The following SND1 variants were observed in gnomAD, a reference collection of about 807,000 sequenced individuals.
The protein encoded by SND1 is staphylococcal nuclease and tudor domain containing 1, also known as staphylococcal nuclease domain-containing protein 1.
A neutral mutation model predicts 121.7 loss-of-function variants in SND1; 38 were observed. The observed-to-expected ratio is 0.31, with a 90% CI of 0.24 to 0.41. SND1 has a LOEUF of 0.41. SND1 is among the 10% of genes least tolerant of loss of function. SND1 has a pLI of 1.00. For synonymous variants in SND1, 401 were observed against 447.4 expected, an observed-to-expected ratio of 0.90 and a Z score of 1.31; for missense variants, 868 against 1,184.6, an observed-to-expected ratio of 0.73 and a Z score of 3.92.
In SND1 at chr7:127,737,554, G is replaced by A. The variant is rs111559581; in HGVS notation, c.1152+16154G>A. Among the ~76,000 whole-genome samples the A allele has an allele frequency of 6.6e-5, 10 of 152,262 alleles. 1 individual carries two copies. The highest frequency in any genetic ancestry group is 2.2e-4 in the African/African-American group (9 of 41,560). ...CACAACATTGCACTCCAGCCTGGGC[G>A]ATAAGAATGAGACTGTGTCTCAAAG... is the stretch of plus-strand genomic sequence containing the variant. On this transcript the variant is annotated intron_variant, in intron 10 of 23. Transcript: ENST00000354725.
At chr7:127,931,045 C>T (rs533016269) in intron 15 of SND1, among the ~76,000 whole-genome samples, 1 of 152,196 alleles carries the variant, frequency 6.6e-6, no homozygotes, top group East Asian at 1.9e-4. Context: ...TCGCCATGAA[C>T]CACAGTCATA....
At chr7:127,765,050 G>A (rs1475920364) in intron 10 of SND1, among the ~76,000 whole-genome samples, 2 of 152,180 alleles carry the variant, frequency 1.3e-5, no homozygotes, top group African/African-American at 4.8e-5. Context: ...CTCTTTGGGA[G>A]ACTAAAGAGG....
chr7:127,700,457 C>T (rs571966009), intron 4 of SND1, among the ~76,000 whole-genome samples: 4 of 152,190 alleles, frequency 2.6e-5, no homozygotes, highest in African/African-American at 9.6e-5. Context: ...TTGATGGCAC[C>T]GAGTGTCTGA....
Position 127,826,116 on chromosome 7 carries a change from A to G in SND1, c.1243-18208A>G, listed in dbSNP as rs145383007. ...TGAGGCAGGTGAATTACTTGAACCT[A>G]GGAGGTGGAGGTTGCAGTGAGCCAA... On this transcript the variant is annotated intron_variant, in intron 11 of 23. Transcript: ENST00000354725. 2.5e-3 allele frequency among the ~76,000 whole-genome samples: 376 copies of G among 152,248 alleles called. 2 individuals carry two copies. The highest frequency in any genetic ancestry group is 8.7e-3 in the African/African-American group (360 of 41,552).
intron 10 of SND1, among the ~76,000 whole-genome samples, chr7:127,727,036 C>T (rs1332778549): frequency 6.6e-6 from 1 of 152,202 alleles, no homozygotes; most frequent in Non-Finnish European, 1.5e-5. Flanking sequence ...CTGCTACCAG[C>T]CTCTATTCAT....
chr7:127,780,179 A>G (rs1433404218), intron 10 of SND1, among the ~76,000 whole-genome samples: 2 of 151,060 alleles, frequency 1.3e-5, no homozygotes, highest in Non-Finnish European at 3.0e-5. Context: ...TTACCTGAAA[A>G]CCCCCACCAA....
intron 17 of SND1, among the ~76,000 whole-genome samples, chr7:128,079,189 G>A (rs562649031): frequency 4.6e-5 from 7 of 152,368 alleles, no homozygotes; most frequent in East Asian, 3.9e-4. Flanking sequence ...GAGGCCCAGG[G>A]CAAAAGCCTC....
At chr7:127,938,363 C>A (rs1488321483) in intron 15 of SND1, among the ~76,000 whole-genome samples, 1 of 152,168 alleles carries the variant, frequency 6.6e-6, no homozygotes, top group Admixed American at 6.5e-5. Flanking sequence ...AGTAGGATAA[C>A]TTCTCCCTCG....
intron 10 of SND1, among the ~76,000 whole-genome samples, chr7:127,782,503 T>C (rs1797741500): frequency 4.6e-5 from 7 of 152,196 alleles, no homozygotes; most frequent in Admixed American, 4.6e-4. Context: ...CATTCTGTCA[T>C]AGGTTACAAT....
intron 14 of SND1, among the ~76,000 whole-genome samples, chr7:127,912,448 T>C (rs1417480524): frequency 6.6e-6 from 1 of 152,170 alleles, no homozygotes; most frequent in Non-Finnish European, 1.5e-5. Flanking sequence ...TCTTTGTAAA[T>C]AGAGATGTAG....
intron 15 of SND1, among the ~76,000 whole-genome samples, chr7:127,941,991 A>T (rs1801221733): frequency 6.6e-6 from 1 of 151,392 alleles, no homozygotes; most frequent in Admixed American, 6.6e-5. Flanking sequence ...TCATATCAAA[A>T]TAGGCATATT....
Position 128,085,192 on chromosome 7 carries a change from G to A in SND1, c.2234+345G>A, listed in dbSNP as rs1320784547. Among the ~76,000 whole-genome samples the A allele has an allele frequency of 1.3e-5, 2 of 152,130 alleles. No individual in the cohort carries two copies. ...TGATGTTACAGGGGGCTGAGGTAGA[G>A]GCTGGGCTACAGTAAGCCTAAACCA... On this transcript the variant is annotated intron_variant, in intron 19 of 23. Transcript: ENST00000354725. This position sits in a 1 kb window ranked among gnomAD's most constrained non-coding sequence, Gnocchi z 4.4.
intron 10 of SND1, among the ~76,000 whole-genome samples, chr7:127,805,547 TG>T (rs1295358042): frequency 6.6e-6 from 1 of 152,204 alleles, no homozygotes; most frequent in Non-Finnish European, 1.5e-5. Flanking sequence ...GAGATTTTCT[TG>T]GTCGTAGTCA....
intron 16 of SND1, among the ~76,000 whole-genome samples, chr7:128,024,797 TAA>T (rs1279291904): frequency 1.3e-5 from 2 of 152,132 alleles, no homozygotes; most frequent in Non-Finnish European, 2.9e-5. Context: ...GCATGGCACT[TAA>T]AGAGTTAGAG....
chr7:127,841,894 C>G (rs1284423942), intron 11 of SND1, among the ~76,000 whole-genome samples: 6 of 152,076 alleles, frequency 3.9e-5, no homozygotes, highest in African/African-American at 1.4e-4. Context: ...TTTATATTTT[C>G]TTACTTTCTG....
At chr7:127,658,208 C>T (rs960504974) in intron 1 of SND1, among the ~76,000 whole-genome samples, 7 of 151,970 alleles carry the variant, frequency 4.6e-5, no homozygotes, top group East Asian at 1.9e-4. Context: ...CCAGGTATTC[C>T]GGAGGCTGAG....
intron 1 of SND1, among the ~76,000 whole-genome samples, chr7:127,669,782 G>T (rs1795482390): frequency 1.3e-5 from 2 of 152,090 alleles, no homozygotes; most frequent in Admixed American, 1.3e-4. Flanking sequence ...TTTGCATTTT[G>T]ATCCAGACAG....
At chr7:127,964,069 T>A (rs1801798547) in intron 15 of SND1, among the ~76,000 whole-genome samples, 1 of 151,424 alleles carries the variant, frequency 6.6e-6, no homozygotes, top group South Asian at 2.1e-4. Context: ...GAAGTGTCTG[T>A]TCATGTCCTT....
At chr7:127,776,180 C>G (rs1251796078) in intron 10 of SND1, among the ~76,000 whole-genome samples, 1 of 152,150 alleles carries the variant, frequency 6.6e-6, no homozygotes, top group Non-Finnish European at 1.5e-5. Context: ...TTTCATCTAG[C>G]AGTTTTAGAA....
Sources: allele counts gnomAD v4.1 joint callset (sites outside exome capture counted in the v4.1 genomes callset), GRCh38; gene constraint gnomAD v4.1.1; non-coding constraint Gnocchi (gnomAD v3.1); transcripts MANE v1.5; gene names NCBI Gene and HGNC (gene_info 2026-07-23, HGNC 2026-07-21).